Variants in NUP133 observed in about 807,000 individuals in gnomAD.
The protein encoded by NUP133 is nucleoporin 133.
In NUP133, 66 loss-of-function variants were observed where a neutral mutation model predicts 146.2. The ratio of observed to expected loss-of-function variants is 0.45; its 90% CI spans 0.37 to 0.55. NUP133 has a LOEUF of 0.55. Among genes scored for constraint, NUP133 ranks in the 20% least tolerant of loss-of-function variants. NUP133 has a pLI of 0.00. For synonymous variants in NUP133, 521 were observed against 498.8 expected (o/e 1.04, Z -0.59); for missense variants, 1,277 against 1,374.8 (o/e 0.93, Z 1.12).
intron 5 of NUP133, 39 bp from the exon 6 acceptor site, chr1:229,498,345 C>T (rs747885288): frequency 1.9e-5 from 27 of 1,389,828 alleles, no homozygotes; most frequent in Non-Finnish European, 2.4e-5. Context: ...AGTTTAGCAT[C>T]GAATGCTAAG....
chr1:229,475,701 A>C lies in NUP133; in HGVS notation c.1788T>G (p.Ile596Met), dbSNP rs530241836. The stretch of plus-strand genomic sequence containing the variant: ...TCTTGTCTTCTAGCTGGTGAAGGAT[A>C]ATCAGTGACGTATTGCTGAACCCAG... ...EAPGFSNTSL[I>M]ILHQLEDKMK... Residue 596 changes from isoleucine (I) to methionine (M), a missense_variant, in exon 14 of 26, where the codon ATT becomes ATG. Coordinates refer to ENST00000261396, the MANE Select transcript of NUP133 (RefSeq NM_018230.3). 20 of 1,614,168 alleles carry C rather than the reference A, an allele frequency of 1.2e-5. No homozygotes were observed. Among genetic ancestry groups the C allele is most frequent in the Non-Finnish European group, 1.6e-5 (19 of 1,179,970 alleles).
In NUP133 at chr1:229,486,632, C is replaced by T; in HGVS notation, c.1343-104G>A. ...AAAATCATCTTGATGATATATTAAG[C>T]ACATTTTTTCCTTTACAACATTAGT... On this transcript the variant is annotated intron_variant, in intron 10 of 25. Transcript: ENST00000261396. The T allele has an allele frequency of 1.2e-5, 13 of 1,107,676 alleles. No individual in the cohort carries two copies. In the South Asian group the frequency reaches 2.0e-4, roughly 17 times the overall value. The allele number at this position is 1,107,676 out of a possible 1,614,324, so 68.6% of individuals were successfully genotyped here.
chr1:229,460,582 C>T (rs1660670862), intron 20 of NUP133, 29 bp downstream of exon 20: 3 of 1,603,502 alleles, frequency 1.9e-6, no homozygotes, highest in Middle Eastern at 1.7e-4. Context: ...AAATTGCACA[C>T]ATCTGCTCCA....
At chr1:229,493,519 A>G (rs932237569) in intron 8 of NUP133, among the ~76,000 whole-genome samples, 2 of 152,208 alleles carry the variant, frequency 1.3e-5, no homozygotes, top group African/African-American at 4.8e-5. Context: ...GCTCTGCCCA[A>G]ATGGACAACA....
chr1:229,495,394 A>G, intron 8 of NUP133, 101 bp downstream of exon 8: 1 of 796,680 alleles, frequency 1.3e-6, no homozygotes, highest in South Asian at 1.6e-5. Flanking sequence ...CTGTCTCCAA[A>G]GAAAGAGCAC....
At chr1:229,469,046 TGTC>T (rs1293342116) in intron 15 of NUP133, among the ~76,000 whole-genome samples, 2 of 152,210 alleles carry the variant, frequency 1.3e-5, no homozygotes, top group Non-Finnish European at 2.9e-5. Flanking sequence ...AAAAGAGACT[TGTC>T]GGCACAGTGT....
chr1:229,444,894 T>C lies in NUP133; in HGVS notation c.3334+20A>G, dbSNP rs1336120399. 6.6e-7 allele frequency: 1 copy of C among 1,517,602 alleles called. No homozygotes were observed. The highest frequency in any genetic ancestry group is 1.4e-5 in the African/African-American group (1 of 72,582). The allele number at this position is 1,517,602 out of a possible 1,614,324, so 94.0% of individuals were successfully genotyped here. A position where few individuals can be genotyped will look rare whatever the true frequency, so the allele number is the denominator to read the frequency against. On this transcript the variant is annotated intron_variant, in intron 25 of 25. Coordinates refer to ENST00000261396, the MANE Select transcript of NUP133 (RefSeq NM_018230.3). Reference sequence around the variant, plus strand: ...GGAATGACACTGTAATTTCCAACGGTATAGTAACAAACCACTTACCATCTT... The same window carrying C: ...GGAATGACACTGTAATTTCCAACGGCATAGTAACAAACCACTTACCATCTT...
chr1:229,467,104 C>A (rs1660843758), intron 15 of NUP133, among the ~76,000 whole-genome samples: 1 of 152,180 alleles, frequency 6.6e-6, no homozygotes, highest in South Asian at 2.1e-4. Context: ...AACTAATGAA[C>A]TAATAGACTA....
chr1:229,487,637 A>G, intron 9 of NUP133, 24 bp from the exon 10 acceptor site: 1 of 1,548,222 alleles, frequency 6.5e-7, no homozygotes, highest in South Asian at 1.2e-5. Flanking sequence ...TTAAGATTAC[A>G]TTTAACAAGA....
At chr1:229,501,099 C>CT (rs1558109312) in intron 3 of NUP133, among the ~76,000 whole-genome samples, 1 of 152,216 alleles carries the variant, frequency 6.6e-6, no homozygotes, top group African/African-American at 2.4e-5. Flanking sequence ...TGAAGAACAA[C>CT]TATCCTAACC....
chr1:229,506,409 C>A (rs550809098), intron 1 of NUP133, among the ~76,000 whole-genome samples: 137 of 148,104 alleles, frequency 9.3e-4, no homozygotes, highest in African/African-American at 3.3e-3. Context: ...CCTTATAATT[C>A]TGCCTCCTTA....
chr1:229,495,615 A>G (rs764267006), intron 7 of NUP133, 50 bp from the exon 8 acceptor site: 286 of 1,362,738 alleles, frequency 2.1e-4, no homozygotes, highest in Non-Finnish European at 2.9e-4. Flanking sequence ...GGAATGATTT[A>G]TTTTCACCTT....
At chr1:229,485,528 A>C (rs1661327299) in intron 11 of NUP133, among the ~76,000 whole-genome samples, 1 of 152,228 alleles carries the variant, frequency 6.6e-6, no homozygotes, top group Non-Finnish European at 1.5e-5. Flanking sequence ...ACATGTAATC[A>C]GTATTTGGGA....
At chr1:229,462,682 T>C (rs1660720430) in intron 19 of NUP133, among the ~76,000 whole-genome samples, 1 of 152,018 alleles carries the variant, frequency 6.6e-6, no homozygotes, top group Non-Finnish European at 1.5e-5. Context: ...CTTAGCCTCC[T>C]GAATAAGTGT....
intron 15 of NUP133, among the ~76,000 whole-genome samples, chr1:229,468,969 T>A (rs1420232633): frequency 6.6e-6 from 1 of 152,182 alleles, no homozygotes; most frequent in Non-Finnish European, 1.5e-5. Flanking sequence ...ATTTATGGAA[T>A]CAACAGGAAG....
chr1:229,462,323 T>C (rs1660711090), intron 19 of NUP133, among the ~76,000 whole-genome samples: 1 of 152,202 alleles, frequency 6.6e-6, no homozygotes. Flanking sequence ...TGACAAAACA[T>C]GTTTGTTTAT....
At chr1:229,448,141 G>A (rs966461779) in intron 24 of NUP133, among the ~76,000 whole-genome samples, 3 of 152,168 alleles carry the variant, frequency 2.0e-5, no homozygotes, top group Non-Finnish European at 4.4e-5. Context: ...GTCTAAAAAC[G>A]GGAGGAGCCG....
intron 10 of NUP133, among the ~76,000 whole-genome samples, chr1:229,487,033 C>T (rs1280731434): frequency 3.3e-5 from 5 of 151,998 alleles, no homozygotes; most frequent in African/African-American, 1.2e-4. Context: ...TGCACTCTGT[C>T]CTCTGCCCAA....
intron 10 of NUP133, 80 bp from the exon 11 acceptor site, chr1:229,486,608 A>C: frequency 7.4e-7 from 1 of 1,356,640 alleles, no homozygotes; most frequent in Non-Finnish European, 1.0e-6. Flanking sequence ...CCTAAGCAGA[A>C]AATCATCTTG....
Sources: allele counts gnomAD v4.1 joint callset (sites outside exome capture counted in the v4.1 genomes callset), GRCh38; gene constraint gnomAD v4.1.1; transcripts MANE v1.5; gene names NCBI Gene and HGNC (gene_info 2026-07-23, HGNC 2026-07-21).